The following SLC24A4 variants were observed in gnomAD, a reference collection of about 807,000 sequenced individuals.
SLC24A4 encodes sodium/potassium/calcium exchanger 4.
A neutral mutation model predicts 79.0 loss-of-function variants in SLC24A4; 53 were observed. The observed-to-expected ratio is 0.67, with a 90% CI of 0.54 to 0.84. The LOEUF (loss-of-function observed/expected upper bound fraction) is 0.84. SLC24A4 is among the 40% of genes least tolerant of loss of function. The pLI, the probability that SLC24A4 is intolerant of heterozygous loss-of-function variation, is 0.00. For missense variants in SLC24A4, 731 were observed against 822.0 expected, an observed-to-expected ratio of 0.89 and a Z score of 1.35; for synonymous variants, 323 against 323.8, an observed-to-expected ratio of 1.00 and a Z score of 0.03.
chr14:92,445,440 A>G (rs1255171613), intron 8 of SLC24A4, 98 bp downstream of exon 8: 38 of 1,300,150 alleles, frequency 2.9e-5, no homozygotes, highest in African/African-American at 1.5e-5. Flanking sequence ...AATTATTTTT[A>G]TAAACTTAAG....
At chr14:92,445,470 GA>G in intron 8 of SLC24A4, 128 bp downstream of exon 8, 6 of 1,059,278 alleles carry the variant, frequency 5.7e-6, no homozygotes, top group South Asian at 3.0e-5. Context: ...TTGTGAAAGT[GA>G]AAAAAAGATA....
intron 12 of SLC24A4, among the ~76,000 whole-genome samples, chr14:92,482,171 C>T (rs748376137): frequency 5.3e-5 from 8 of 152,256 alleles, no homozygotes; most frequent in Non-Finnish European, 8.8e-5. Context: ...ATACCTTTCT[C>T]ATTTAACAGA....
At chr14:92,334,292 C>T (rs1234779009) in intron 2 of SLC24A4, among the ~76,000 whole-genome samples, 1 of 152,178 alleles carries the variant, frequency 6.6e-6, no homozygotes, top group Admixed American at 6.5e-5. Flanking sequence ...GGGCAGCCTC[C>T]GGAGGGCCAG....
upstream of SLC24A4, among the ~76,000 whole-genome samples, chr14:92,322,800 G>A: frequency 6.6e-6 from 1 of 152,224 alleles, no homozygotes; most frequent in Admixed American, 6.5e-5. Flanking sequence ...GGCGGGGTGG[G>A]GAGGGGGTGT....
intron 2 of SLC24A4, among the ~76,000 whole-genome samples, chr14:92,348,010 G>A (rs1886638083): frequency 6.6e-6 from 1 of 152,200 alleles, no homozygotes; most frequent in Admixed American, 6.5e-5. Flanking sequence ...ATTGGAAAAA[G>A]GTTGTTCTCA....
intron 2 of SLC24A4, among the ~76,000 whole-genome samples, chr14:92,366,524 T>A (rs1224090246): frequency 6.6e-6 from 1 of 152,144 alleles, no homozygotes; most frequent in Non-Finnish European, 1.5e-5. Flanking sequence ...TGGTGTCAGG[T>A]TTTACTGGAG....
chr14:92,394,585 G>A (rs1198034764), intron 2 of SLC24A4, among the ~76,000 whole-genome samples: 2 of 152,156 alleles, frequency 1.3e-5, no homozygotes, highest in Non-Finnish European at 1.5e-5. Flanking sequence ...GTAGACTTCT[G>A]CCAGCTGTTA....
intron 11 of SLC24A4, among the ~76,000 whole-genome samples, chr14:92,454,336 C>T (rs1457875739): frequency 6.6e-6 from 1 of 152,072 alleles, no homozygotes; most frequent in Admixed American, 6.5e-5. Context: ...GAAAGGCCAG[C>T]CTGAAGTATG....
intron 3 of SLC24A4, among the ~76,000 whole-genome samples, chr14:92,437,694 G>C (rs1457310757): frequency 6.6e-6 from 1 of 152,212 alleles, no homozygotes; most frequent in African/African-American, 2.4e-5. Context: ...CCCAAGAAAT[G>C]CTGGATCTCA....
chr14:92,414,008 G>A (rs1890856211), intron 2 of SLC24A4, among the ~76,000 whole-genome samples: 1 of 152,156 alleles, frequency 6.6e-6, no homozygotes, highest in Non-Finnish European at 1.5e-5. Context: ...AGGAGAACAT[G>A]TGCTTTGACA....
intron 12 of SLC24A4, among the ~76,000 whole-genome samples, chr14:92,471,486 T>G (rs1437657187): frequency 6.6e-6 from 1 of 152,108 alleles, no homozygotes; most frequent in African/African-American, 2.4e-5. Context: ...AGAGTTCTGT[T>G]AGTAAGGAGG....
Position 92,449,021 on chromosome 14 carries a change from G to T in SLC24A4, c.738-53G>T, listed in dbSNP as rs1212111729. On this transcript the variant is annotated intron_variant, in intron 9 of 16. Coordinates refer to ENST00000532405, the MANE Select transcript of SLC24A4 (RefSeq NM_153646.4). ...TGGGGTGTGATCCACCCGCTGCCCA[G>T]TTGGTGGGACTCCTTTCCATTGCCC... The T allele has an allele frequency of 2.5e-6, 4 of 1,605,772 alleles. No individual in the cohort carries two copies. In the Admixed American group the frequency reaches 5.0e-5, roughly 20 times the overall value.
intron 2 of SLC24A4, among the ~76,000 whole-genome samples, chr14:92,343,580 TTTTCTTTCTTTCTTTC>T (rs376436087): frequency 1.7e-3 from 141 of 85,160 alleles, no homozygotes; most frequent in African/African-American, 2.8e-3. Flanking sequence ...TTAATTACTG[TTTTCTTTCTTTCTTTC>T]TTTCTTTCTT....
chr14:92,444,633 T>G (rs1254282545), intron 7 of SLC24A4, among the ~76,000 whole-genome samples: 1 of 152,170 alleles, frequency 6.6e-6, no homozygotes, highest in African/African-American at 2.4e-5. Context: ...GGCGGGCTGA[T>G]CACTTGAGGT....
Position 92,493,730 on chromosome 14 carries a change from C to A in SLC24A4, c.*102C>A, listed in dbSNP as rs958327133. The stretch of plus-strand genomic sequence containing the variant: ...CACAGGTCTCTCCTGCATAGGCAGC[C>A]ACTGTCCGTTCTTTCACACACTGGA... On this transcript the variant is annotated 3_prime_UTR_variant, in exon 17 of 17. Coordinates refer to ENST00000532405, the MANE Select transcript of SLC24A4 (RefSeq NM_153646.4). 7.4e-7 allele frequency: 1 copy of A among 1,346,960 alleles called. No individual in the cohort carries two copies. The highest frequency in any genetic ancestry group is 1.0e-6 in the Non-Finnish European group (1 of 987,074). The allele number at this position is 1,346,960 out of a possible 1,614,324, so 83.4% of individuals were successfully genotyped here.
chr14:92,464,790 C>T (rs548477698), intron 12 of SLC24A4, among the ~76,000 whole-genome samples: 3 of 152,318 alleles, frequency 2.0e-5, no homozygotes, highest in South Asian at 2.1e-4. Flanking sequence ...TCCCCTTACA[C>T]GGGCGTTGTA....
chr14:92,330,724 T>C (rs1480714004), intron 2 of SLC24A4, among the ~76,000 whole-genome samples: 1 of 152,226 alleles, frequency 6.6e-6, no homozygotes, highest in Non-Finnish European at 1.5e-5. Context: ...TGCTGTGTGC[T>C]CAGAGTGGCA....
chr14:92,383,046 C>A (rs1359956086), intron 2 of SLC24A4, among the ~76,000 whole-genome samples: 2 of 152,094 alleles, frequency 1.3e-5, no homozygotes, highest in Admixed American at 6.5e-5. Flanking sequence ...CCCCCACTGG[C>A]CACGTGTGGA....
chr14:92,331,739 C>G (rs780172634), intron 2 of SLC24A4, among the ~76,000 whole-genome samples: 5 of 152,180 alleles, frequency 3.3e-5, no homozygotes, highest in Admixed American at 2.6e-4. Flanking sequence ...TTGAACAAAC[C>G]TGCATGGGTC....
Sources: allele counts gnomAD v4.1 joint callset (sites outside exome capture counted in the v4.1 genomes callset), GRCh38; gene constraint gnomAD v4.1.1; transcripts MANE v1.5; gene names NCBI Gene and HGNC (gene_info 2026-07-23, HGNC 2026-07-21).